Variants in ARHGEF28 observed in about 807,000 individuals in gnomAD.
ARHGEF28 encodes the protein Rho guanine nucleotide exchange factor 28.
Under a neutral mutation model 206.6 loss-of-function variants are expected in ARHGEF28, and 152 were observed. The observed-to-expected ratio is 0.74, with a 90% CI of 0.64 to 0.84. The LOEUF is 0.84. Ranked by LOEUF, ARHGEF28 falls within the 40% of genes least tolerant of loss-of-function variation. ARHGEF28 has a pLI of 0.00. For missense variants in ARHGEF28, 2,028 were observed against 2,073.2 expected (o/e 0.98, Z 0.42); for synonymous variants, 763 against 776.4 (o/e 0.98, Z 0.29).
chr5:73,939,215 T>A (rs939736278), intron 35 of ARHGEF28, among the ~76,000 whole-genome samples: 2 of 152,152 alleles, frequency 1.3e-5, no homozygotes, highest in Non-Finnish European at 2.9e-5. Context: ...TTTCCCAGCC[T>A]GTAAATTGTG....
intron 6 of ARHGEF28, chr5:73,778,116 A>G (rs975721280): frequency 1.3e-5 from 2 of 151,254 alleles, no homozygotes; most frequent in Non-Finnish European, 2.9e-5. Flanking sequence ...TTCAGCCATC[A>G]CTGTGGTTTC....
intron 9 of ARHGEF28, among the ~76,000 whole-genome samples, chr5:73,826,299 C>A (rs1007033826): frequency 1.3e-5 from 2 of 152,150 alleles, no homozygotes; most frequent in African/African-American, 4.8e-5. Flanking sequence ...AAGGCTCACC[C>A]TTTTTATGGT....
chr5:73,756,576 C>A (rs942123732), intron 4 of ARHGEF28, among the ~76,000 whole-genome samples: 1 of 152,162 alleles, frequency 6.6e-6, no homozygotes, highest in African/African-American at 2.4e-5. Flanking sequence ...ATTCAGCCCA[C>A]CATGTGTTTA....
At chr5:73,839,717 G>T (rs373371734) in intron 10 of ARHGEF28, among the ~76,000 whole-genome samples, 2 of 152,126 alleles carry the variant, frequency 1.3e-5, no homozygotes, top group South Asian at 2.1e-4. Context: ...GGAGCACGAG[G>T]CCTTACCTGC....
intron 14 of ARHGEF28, among the ~76,000 whole-genome samples, chr5:73,854,376 TAA>T (rs1485010561): frequency 1.3e-5 from 2 of 152,212 alleles, no homozygotes; most frequent in African/African-American, 4.8e-5. Flanking sequence ...TCTAATTTCT[TAA>T]AGATTATATG....
At chr5:73,897,838 A>G in intron 29 of ARHGEF28, 124 bp from the exon 30 acceptor site, 1 of 1,116,874 alleles carries the variant, frequency 9.0e-7, no homozygotes, top group Non-Finnish European at 1.2e-6. Context: ...TGTAAAAATC[A>G]TTTTTAGCCC....
At chr5:73,692,843 A>G (rs1747922601) in intron 2 of ARHGEF28, among the ~76,000 whole-genome samples, 1 of 152,176 alleles carries the variant, frequency 6.6e-6, no homozygotes, top group Non-Finnish European at 1.5e-5. Context: ...GGATCCCTGC[A>G]GATTCCCTGT....
At chr5:73,773,153 A>G (rs1411623975) in intron 4 of ARHGEF28, among the ~76,000 whole-genome samples, 2 of 152,046 alleles carry the variant, frequency 1.3e-5, no homozygotes, top group Non-Finnish European at 2.9e-5. Context: ...TACCTCAAGG[A>G]CCCCTCCGCC....
At chr5:73,663,946 A>G (rs984418652) in intron 1 of ARHGEF28, among the ~76,000 whole-genome samples, 2 of 152,154 alleles carry the variant, frequency 1.3e-5, no homozygotes, top group East Asian at 1.9e-4. Context: ...CACAATAGCA[A>G]TTTTTTGACT....
intron 7 of ARHGEF28, among the ~76,000 whole-genome samples, chr5:73,789,585 G>C (rs890080460): frequency 6.6e-6 from 1 of 152,072 alleles, no homozygotes; most frequent in East Asian, 1.9e-4. Flanking sequence ...CCTTAATAAA[G>C]CTGTCATAAA....
At chr5:73,757,788 T>C in intron 4 of ARHGEF28, among the ~76,000 whole-genome samples, 1 of 152,206 alleles carries the variant, frequency 6.6e-6, no homozygotes, top group Non-Finnish European at 1.5e-5. Flanking sequence ...TAATAGTGCC[T>C]TGTGCAGGGT....
intron 3 of ARHGEF28, among the ~76,000 whole-genome samples, chr5:73,752,457 A>T (rs1483558949): frequency 6.6e-6 from 1 of 152,054 alleles, no homozygotes; most frequent in Non-Finnish European, 1.5e-5. Flanking sequence ...AGCTCTATGG[A>T]ATTAGGGCAA....
chr5:73,800,992 T>C (rs1161127268), intron 9 of ARHGEF28, among the ~76,000 whole-genome samples: 1 of 151,254 alleles, frequency 6.6e-6, no homozygotes, highest in African/African-American at 2.5e-5. Flanking sequence ...GGGGAAATGG[T>C]GCAGTCAATA....
chr5:73,800,838 G>A (rs767624914), intron 9 of ARHGEF28, among the ~76,000 whole-genome samples: 51 of 152,124 alleles, frequency 3.4e-4, no homozygotes, highest in Non-Finnish European at 6.2e-4. Flanking sequence ...TTGGGAAAAG[G>A]GAACTGGTAG....
At chr5:73,737,068 A>G (rs1433950793) in intron 2 of ARHGEF28, among the ~76,000 whole-genome samples, 1 of 152,114 alleles carries the variant, frequency 6.6e-6, no homozygotes, top group Non-Finnish European at 1.5e-5. Context: ...GGATGTGAGT[A>G]GTGTGAAACC....
chr5:73,632,840 G>A (rs1394451173), intron 1 of ARHGEF28, among the ~76,000 whole-genome samples: 2 of 152,118 alleles, frequency 1.3e-5, no homozygotes, highest in African/African-American at 2.4e-5. Context: ...AGGGATTCGT[G>A]TTGTAGAAGA....
intron 1 of ARHGEF28, among the ~76,000 whole-genome samples, chr5:73,630,628 G>A (rs1398108014): frequency 2.0e-5 from 3 of 152,184 alleles, no homozygotes; most frequent in African/African-American, 4.8e-5. Context: ...AATTGCCCTA[G>A]GCTGGGAGTT....
At chr5:73,925,266 C>G (rs112676458) in intron 35 of ARHGEF28, among the ~76,000 whole-genome samples, 4 of 152,154 alleles carry the variant, frequency 2.6e-5, no homozygotes, top group Non-Finnish European at 5.9e-5. Context: ...GCTGTTCTCT[C>G]CTTTCTCATC....
chr5:73,692,145 T>C (rs910791547), intron 2 of ARHGEF28, among the ~76,000 whole-genome samples: 3 of 152,206 alleles, frequency 2.0e-5, no homozygotes, highest in Non-Finnish European at 4.4e-5. Context: ...GTTGATTAAG[T>C]TGGTGAAGGG....
Sources: gnomAD v4.1 joint callset for allele counts (sites outside exome capture counted in the v4.1 genomes callset) on GRCh38, gnomAD v4.1.1 for gene constraint, MANE v1.5 for transcripts, NCBI Gene and HGNC (gene_info 2026-07-23, HGNC 2026-07-21) for gene names.